Variants in BFSP2 observed in about 807,000 individuals in gnomAD.
The protein encoded by BFSP2 is beaded filament structural protein 2, also known as phakinin.
A neutral mutation model predicts 44.9 loss-of-function variants in BFSP2; 38 were observed. That is an observed-to-expected ratio of 0.85 (90% confidence interval 0.65 to 1.11). BFSP2 has a LOEUF of 1.11. Ranked by LOEUF, BFSP2 falls within the 50% of genes least tolerant of loss-of-function variation. The pLI is 0.00. For synonymous variants in BFSP2, 197 were observed against 209.9 expected (o/e 0.94, Z 0.53); for missense variants, 525 against 533.0 (o/e 0.99, Z 0.15).
chr3:133,428,876 C>A (rs9853365), intron 1 of BFSP2, among the ~76,000 whole-genome samples: 2 of 151,994 alleles, frequency 1.3e-5, no homozygotes, highest in East Asian at 1.9e-4. Flanking sequence ...TGTCAGGGTC[C>A]CAAGATGTAT....
intron 4 of BFSP2, among the ~76,000 whole-genome samples, chr3:133,465,400 G>A (rs2107939372): frequency 6.6e-6 from 1 of 152,310 alleles, no homozygotes; most frequent in South Asian, 2.1e-4. Context: ...GGTAATTCCA[G>A]AAAACCGTAA....
At chr3:133,428,356 C>G (rs1291579118) in intron 1 of BFSP2, among the ~76,000 whole-genome samples, 1 of 152,106 alleles carries the variant, frequency 6.6e-6, no homozygotes, top group Admixed American at 6.6e-5. Context: ...TTTCATGCCC[C>G]CAGCTGTCAG....
chr3:133,440,518 C>A (rs940124114), intron 1 of BFSP2, among the ~76,000 whole-genome samples: 3 of 151,974 alleles, frequency 2.0e-5, no homozygotes, highest in African/African-American at 7.3e-5. Flanking sequence ...GGGTTTAAAC[C>A]CTATATATGG....
At chr3:133,438,230 TGAAA>T (rs1398531589) in intron 1 of BFSP2, among the ~76,000 whole-genome samples, 2 of 152,282 alleles carry the variant, frequency 1.3e-5, no homozygotes, top group African/African-American at 4.8e-5. Context: ...AGGCTCTGGA[TGAAA>T]GAAACAGTAA....
intron 6 of BFSP2, among the ~76,000 whole-genome samples, chr3:133,473,249 C>G (rs962192091): frequency 6.6e-6 from 1 of 151,936 alleles, no homozygotes; most frequent in East Asian, 1.9e-4. Context: ...TTAAGAGTCC[C>G]AGAAACAGGT....
At chr3:133,412,505 T>C (rs985166578) in intron 1 of BFSP2, 1 of 152,274 alleles carries the variant, frequency 6.6e-6, no homozygotes, top group Non-Finnish European at 1.5e-5. Context: ...TGATTAGTTC[T>C]CAGCAAGGGT....
intron 1 of BFSP2, among the ~76,000 whole-genome samples, chr3:133,409,465 A>G (rs745835562): frequency 2.0e-4 from 30 of 152,204 alleles, no homozygotes; most frequent in Non-Finnish European, 8.8e-5. Flanking sequence ...GACCACTGAA[A>G]AGATCTAGAA....
intron 1 of BFSP2, among the ~76,000 whole-genome samples, chr3:133,415,979 A>C (rs1336011575): frequency 9.9e-6 from 1 of 100,820 alleles, no homozygotes; most frequent in Non-Finnish European, 2.0e-5. Flanking sequence ...TCACCCGTCT[A>C]CTCACCCCTG....
intron 1 of BFSP2, among the ~76,000 whole-genome samples, chr3:133,437,634 AAAG>A (rs1043644601): frequency 3.6e-5 from 4 of 112,142 alleles, no homozygotes; most frequent in Non-Finnish European, 9.0e-5. Context: ...AGAGAAAAAG[AAAG>A]AAGAGAGAGA....
rs1559973751 is a variant in BFSP2, at chr3:133,446,570, T to TTTTATATA, written c.490-746_490-745insTTATATAT. 8.9e-4 allele frequency among the ~76,000 whole-genome samples: 20 copies of TTTTATATA among 22,386 alleles called. 9 individuals are homozygous for TTTTATATA. The highest frequency in any genetic ancestry group is 0.016 in the East Asian group (2 of 124). 14.7% of individuals were successfully genotyped at this position (22,386 alleles called of 152,430 possible). A position where few individuals can be genotyped will look rare whatever the true frequency, so the allele number is the denominator to read the frequency against. ...CCTATCAGAGCCTTCAGCTCACCAT[T>TTTTATATA]TATATATATATATATATATATATAT... On this transcript the variant is annotated intron_variant, in intron 1 of 6. Coordinates refer to ENST00000302334, the MANE Select transcript of BFSP2 (RefSeq NM_003571.4).
At position 133,413,396 on chromosome 3, in the gene BFSP2, T is replaced by C. The variant is rs768952261; in HGVS notation, c.489+12824T>C. Among the ~76,000 whole-genome samples the C allele has an allele frequency of 6.7e-4, 102 of 151,942 alleles. 1 individual carries two copies. The highest frequency in any genetic ancestry group is 1.1e-3 in the Non-Finnish European group (72 of 67,974). ...GTACAGAAGAGCAATAGGAAAGATG[T>C]TCTAAAGGGCTACACTCTCCAGAAG... On this transcript the variant is annotated intron_variant, in intron 1 of 6. Transcript: ENST00000302334.
At chr3:133,443,652 C>T (rs1379651111) in intron 1 of BFSP2, among the ~76,000 whole-genome samples, 1 of 152,138 alleles carries the variant, frequency 6.6e-6, no homozygotes, top group African/African-American at 2.4e-5. Context: ...ATTTCTCATT[C>T]CTTTATTGCT....
Position 133,472,583 on chromosome 3 carries a change from G to T in BFSP2, c.1244+18G>T. On this transcript the variant is annotated intron_variant, in intron 6 of 6. Transcript: ENST00000302334. ...GAGAGCGGGTAAGCCTCGCTTCCGC[G>T]TCAATTATCCAAGAGATGCATATTC... is the stretch of plus-strand genomic sequence containing the variant. The T allele has an allele frequency of 6.2e-7, 1 of 1,607,658 alleles. No homozygotes were observed. The highest frequency in any genetic ancestry group is 8.5e-7 in the Non-Finnish European group (1 of 1,177,712).
At chr3:133,456,522 A>C (rs1194331606) in intron 4 of BFSP2, among the ~76,000 whole-genome samples, 2 of 152,178 alleles carry the variant, frequency 1.3e-5, no homozygotes, top group Non-Finnish European at 2.9e-5. Flanking sequence ...CAAGGTGGGC[A>C]GATCGCTTGA....
intron 1 of BFSP2, among the ~76,000 whole-genome samples, chr3:133,424,009 G>A (rs6781394): frequency 0.65 from 97,151 of 150,442 alleles, 32,094 homozygotes; most frequent in East Asian, 0.81. Context: ...TGCATATATC[G>A]ACCAGCTAGT....
intron 1 of BFSP2, among the ~76,000 whole-genome samples, chr3:133,414,361 C>T (rs1576560413): frequency 1.1e-5 from 1 of 89,924 alleles, no homozygotes; most frequent in Non-Finnish European, 2.2e-5. Flanking sequence ...TCTACTCACC[C>T]GTCCTCTCCC....
At chr3:133,442,067 G>T (rs6806830) in intron 1 of BFSP2, among the ~76,000 whole-genome samples, 1 of 152,052 alleles carries the variant, frequency 6.6e-6, no homozygotes, top group Non-Finnish European at 1.5e-5. Flanking sequence ...GGCCTTGAAG[G>T]CCACTTCAGA....
At chr3:133,428,832 A>G (rs1449908004) in intron 1 of BFSP2, among the ~76,000 whole-genome samples, 3 of 152,178 alleles carry the variant, frequency 2.0e-5, no homozygotes, top group Non-Finnish European at 4.4e-5. Context: ...TGCCTTCTCC[A>G]TCAAACTTGT....
intron 1 of BFSP2, among the ~76,000 whole-genome samples, chr3:133,442,532 C>G (rs1166369599): frequency 1.3e-5 from 2 of 152,092 alleles, no homozygotes; most frequent in African/African-American, 4.8e-5. Context: ...ACTCTGGAAG[C>G]AGGATGCAGA....
Sources: gnomAD v4.1 joint callset for allele counts (sites outside exome capture counted in the v4.1 genomes callset) on GRCh38, gnomAD v4.1.1 for gene constraint, MANE v1.5 for transcripts, NCBI Gene and HGNC (gene_info 2026-07-23, HGNC 2026-07-21) for gene names.